The following NOL4L variants were observed in gnomAD, a reference collection of about 807,000 sequenced individuals.
The protein encoded by NOL4L is nucleolar protein 4 like, also known as nucleolar protein 4-like.
Under a neutral mutation model 64.5 loss-of-function variants are expected in NOL4L, and 7 were observed. The observed-to-expected ratio is 0.11, with a 90% CI of 0.06 to 0.20. The LOEUF (loss-of-function observed/expected upper bound fraction) is 0.20. Ranked by LOEUF, NOL4L falls within the 10% of genes least tolerant of loss-of-function variation. The pLI, the probability that NOL4L is intolerant of heterozygous loss-of-function variation, is 1.00. For synonymous variants in NOL4L, 413 were observed against 401.0 expected, an observed-to-expected ratio of 1.03 and a Z score of -0.36; for missense variants, 680 against 967.1, an observed-to-expected ratio of 0.70 and a Z score of 3.94.
intron 4 of NOL4L, among the ~76,000 whole-genome samples, chr20:32,497,204 T>C (rs542865946): frequency 3.3e-5 from 5 of 152,202 alleles, no homozygotes; most frequent in Admixed American, 1.3e-4. Flanking sequence ...GAAACCCTCC[T>C]GCACCCTCCA....
chr20:32,486,755 A>T (rs934702806), intron 4 of NOL4L: 1 of 471,208 alleles, frequency 2.1e-6, no homozygotes, highest in African/African-American at 2.0e-5. Flanking sequence ...AGCAGCCTCC[A>T]AAGTGGGGCC....
Position 32,447,502 on chromosome 20 carries a change from A to C in NOL4L, c.*94T>G. ...AGCTCTTTTGGATCCCACCTCTTTCAAAAACAAAATGTACCAACTGGTGAG... is the reference window on the plus strand; with the variant it reads ...AGCTCTTTTGGATCCCACCTCTTTCCAAAACAAAATGTACCAACTGGTGAG... On this transcript the variant is annotated 3_prime_UTR_variant, in exon 11 of 11. Coordinates refer to ENST00000621426, the MANE Select transcript of NOL4L (RefSeq NM_001256798.2). 6.7e-7 allele frequency: 1 copy of C among 1,494,160 alleles called. No individual in the cohort carries two copies. Among genetic ancestry groups the C allele is most frequent in the East Asian group, 2.3e-5 (1 of 42,590 alleles). The allele number at this position is 1,494,160 out of a possible 1,614,324, so 92.6% of individuals were successfully genotyped here.
rs1600900191 is a variant in NOL4L at position 32,584,938 on chromosome 20, G to C, written c.-48C>G. On this transcript the variant is annotated 5_prime_UTR_variant, in exon 1 of 11. Transcript: ENST00000621426. Reference sequence around the variant, plus strand: ...TCGGGGGCGGGCCGGCCGCCGGGCCGCCCGGTGCCGGGACTGGGCTGGGCT... The same window carrying C: ...TCGGGGGCGGGCCGGCCGCCGGGCCCCCCGGTGCCGGGACTGGGCTGGGCT... The C allele has an allele frequency of 2.8e-6, 3 of 1,066,914 alleles. No individual in the cohort carries two copies. Among genetic ancestry groups the C allele is most frequent in the South Asian group, 8.8e-5 (2 of 22,636 alleles). The allele number at this position is 1,066,914 out of a possible 1,614,324, so 66.1% of individuals were successfully genotyped here.
intron 3 of NOL4L, among the ~76,000 whole-genome samples, chr20:32,513,603 A>G (rs892692335): frequency 6.6e-6 from 1 of 152,196 alleles, no homozygotes; most frequent in Non-Finnish European, 1.5e-5. Flanking sequence ...TGGCTCACGC[A>G]TGTAATCCCA....
chr20:32,529,429 G>T (rs2018261864), intron 1 of NOL4L, among the ~76,000 whole-genome samples: 1 of 152,194 alleles, frequency 6.6e-6, no homozygotes, highest in Non-Finnish European at 1.5e-5. Flanking sequence ...GAGGTACAGT[G>T]GCTGGTGGAT....
chr20:32,567,971 G>A lies in NOL4L; in HGVS notation c.321+16599C>T, dbSNP rs866339825. Among the ~76,000 whole-genome samples, 9 of 149,720 alleles carry A rather than the reference G, an allele frequency of 6.0e-5. No individual in the cohort carries two copies. The East Asian group carries it at 1.2e-3, about 20-fold the overall frequency. On this transcript the variant is annotated intron_variant, in intron 1 of 10. Transcript: ENST00000621426. ...CATCATCTTCATCACCACCATCATCGTCACCATCATCGTCACCATCATCAC... is the reference window on the plus strand; with the variant it reads ...CATCATCTTCATCACCACCATCATCATCACCATCATCGTCACCATCATCAC...
intron 10 of NOL4L, among the ~76,000 whole-genome samples, chr20:32,449,176 T>C (rs989964631): frequency 2.6e-5 from 4 of 152,202 alleles, no homozygotes; most frequent in Non-Finnish European, 5.9e-5. Context: ...AGCTGCCGCT[T>C]CCCTGGGAAG....
At chr20:32,541,932 A>G (rs1313108844) in intron 1 of NOL4L, among the ~76,000 whole-genome samples, 1 of 152,244 alleles carries the variant, frequency 6.6e-6, no homozygotes, top group Non-Finnish European at 1.5e-5. Context: ...TTTAAATGAC[A>G]ATAAAGCAAT....
In NOL4L at chr20:32,520,925, G is replaced by A. The variant is rs2017909055; in HGVS notation, c.478-3C>T. 2 of 1,542,042 alleles carry A rather than the reference G, an allele frequency of 1.3e-6. No individual in the cohort carries two copies. The highest frequency in any genetic ancestry group is 1.8e-6 in the Non-Finnish European group (2 of 1,139,914). ...AGGAAGGCATAGGTCTCTGCGATCTGGAGGAGAGAAGAGCTTCGCTTGTTA... is the reference window on the plus strand; with the variant it reads ...AGGAAGGCATAGGTCTCTGCGATCTAGAGGAGAGAAGAGCTTCGCTTGTTA... On this transcript the variant is annotated splice_polypyrimidine_tract_variant and splice_region_variant and intron_variant, in intron 2 of 10. Coordinates refer to ENST00000621426, the MANE Select transcript of NOL4L (RefSeq NM_001256798.2).
chr20:32,478,031 C>T (rs943539457), intron 4 of NOL4L, among the ~76,000 whole-genome samples: 1 of 152,224 alleles, frequency 6.6e-6, no homozygotes. Flanking sequence ...AGGCCCGCCC[C>T]GCCTGCCCCA....
intron 1 of NOL4L, among the ~76,000 whole-genome samples, chr20:32,578,057 T>C (rs572973504): frequency 2.7e-5 from 4 of 149,100 alleles, no homozygotes; most frequent in African/African-American, 7.5e-5. Flanking sequence ...ATTAAGGCCA[T>C]GGGAGGCGGA....
Position 32,456,208 on chromosome 20 carries a change from C to T in NOL4L, c.1029G>A (p.Thr343=), listed in dbSNP as rs748522626. ...INLCDKLPPA[T]ALGTASYPSD... is the part of the protein sequence containing the mutation. The stretch of plus-strand genomic sequence containing the variant: ...AGGGGTAGGAGGCTGTGCCAAGTGC[C>T]GTGGCCGGCGGGAGCTTGTCACACA... The change falls in exon 6 of 11, where the codon ACG becomes ACA. Residue 343 remains threonine, a synonymous_variant. Transcript: ENST00000621426. The T allele has an allele frequency of 1.9e-5, 30 of 1,608,744 alleles. No individual in the cohort carries two copies. Among genetic ancestry groups the T allele is most frequent in the Admixed American group, 3.4e-5 (2 of 59,382 alleles).
chr20:32,549,550 C>G (rs1347002402), intron 1 of NOL4L, among the ~76,000 whole-genome samples: 1 of 152,048 alleles, frequency 6.6e-6, no homozygotes, highest in Non-Finnish European at 1.5e-5. Flanking sequence ...GTCAGGAGTT[C>G]AAGACCAGCC....
intron 10 of NOL4L, chr20:32,449,994 A>C (rs902335120): frequency 1.3e-5 from 2 of 152,376 alleles, no homozygotes; most frequent in Non-Finnish European, 2.9e-5. Context: ...GGAAAGGAGA[A>C]GGTCCCTGTT....
In NOL4L at chr20:32,453,238, T is replaced by G; in HGVS notation, c.1497+66A>C. 6.4e-7 allele frequency: 1 copy of G among 1,562,634 alleles called. No individual in the cohort carries two copies. The highest frequency in any genetic ancestry group is 8.7e-7 in the Non-Finnish European group (1 of 1,146,702). Reference sequence around the variant, plus strand: ...CCTGGGTGAAGGGGCCCGGGCATCCTGGGAGTGTGGCAGGAGGTCAGTAGT... The same window carrying G: ...CCTGGGTGAAGGGGCCCGGGCATCCGGGGAGTGTGGCAGGAGGTCAGTAGT... On this transcript the variant is annotated intron_variant, in intron 8 of 10. Transcript: ENST00000621426. The surrounding 1 kb of genome is among the most constrained non-coding windows in gnomAD (Gnocchi z 5.6).
intron 4 of NOL4L, chr20:32,475,271 T>TCTTC: frequency 1.0e-6 from 1 of 985,458 alleles, no homozygotes; most frequent in Non-Finnish European, 1.2e-6. Flanking sequence ...GACGTTTCTG[T>TCTTC]CTTCCTCCTT....
chr20:32,583,464 C>CG (rs1980633982), intron 1 of NOL4L, among the ~76,000 whole-genome samples: 1 of 91,040 alleles, frequency 1.1e-5, no homozygotes, highest in Admixed American at 1.0e-4. Flanking sequence ...GAGGGGGGAG[C>CG]GGGGGAGCGG....
At position 32,453,629 on chromosome 20, in the gene NOL4L, C is replaced by T; in HGVS notation, c.1252G>A (p.Asp418Asn). Residue 418 changes from aspartate (D) to asparagine (N), a missense_variant, in exon 7 of 11, where the codon GAC becomes AAC. By Grantham distance (23) the Asp-to-Asn change is conservative (BLOSUM62 1). Transcript: ENST00000621426. This position sits in a 1 kb window ranked among gnomAD's most constrained non-coding sequence, Gnocchi z 5.6. Reference protein sequence around the residue: ...DDDHDDHEDNDKMNDSEGMDP... With the variant: ...DDDHDDHEDNNKMNDSEGMDP... Reference sequence around the variant, plus strand: ...ATGCCTTCAGAGTCGTTCATCTTGTCATTGTCCTCATGGTCATCGTGGTCA... The same window carrying T: ...ATGCCTTCAGAGTCGTTCATCTTGTTATTGTCCTCATGGTCATCGTGGTCA... 1 of 1,592,022 alleles carries T rather than the reference C, an allele frequency of 6.3e-7. No homozygotes were observed. The highest frequency in any genetic ancestry group is 8.6e-7 in the Non-Finnish European group (1 of 1,168,614).
chr20:32,583,268 C>T (rs1007569249), intron 1 of NOL4L, among the ~76,000 whole-genome samples: 71 of 151,470 alleles, frequency 4.7e-4, no homozygotes, highest in Admixed American at 1.2e-3. Context: ...ATCTGCTCCC[C>T]GGCTCCCGCC....
Sources: gnomAD v4.1 joint callset for allele counts (sites outside exome capture counted in the v4.1 genomes callset) on GRCh38, gnomAD v4.1.1 for gene constraint, Gnocchi (gnomAD v3.1) non-coding constraint, MANE v1.5 for transcripts, NCBI Gene and HGNC (gene_info 2026-07-23, HGNC 2026-07-21) for gene names.